MAP3K1: variants seen among roughly 807,000 people sequenced by gnomAD.
The protein encoded by MAP3K1 is MAP/ERK kinase kinase 1.
A neutral mutation model predicts 144.2 loss-of-function variants in MAP3K1; 36 were observed. That is an observed-to-expected ratio of 0.25 (90% CI 0.19 to 0.33). The LOEUF (loss-of-function observed/expected upper bound fraction) is 0.33, where lower values mean the gene tolerates loss of function less well. Ranked by LOEUF, MAP3K1 falls within the 10% of genes least tolerant of loss-of-function variation. The pLI is 1.00. For missense variants in MAP3K1, 1,650 were observed against 1,881.9 expected (o/e 0.88, Z 2.28); for synonymous variants, 718 against 688.7 (o/e 1.04, Z -0.67).
rs1388344367 is a variant in MAP3K1 at position 56,893,633 on chromosome 5, C to T, written c.4492C>T (p.Pro1498Ser). The T allele has an allele frequency of 6.2e-7, 1 of 1,613,974 alleles. No homozygotes were observed. Among genetic ancestry groups the T allele is most frequent in the Admixed American group, 1.7e-5 (1 of 60,014 alleles). Reference sequence around the variant, plus strand: ...AGAACTTCAACCTCAGGACAGACCTCCATCAAGAGAGCTACTGAAGCATCC... The same window carrying T: ...AGAACTTCAACCTCAGGACAGACCTTCATCAAGAGAGCTACTGAAGCATCC... ...CLELQPQDRP[P>S]SRELLKHPVF... Residue 1498 changes from proline to serine, a missense_variant, in exon 20 of 20, where the codon CCA becomes TCA. Around this residue, in one of 6 missense-constraint regions of MAP3K1, gnomAD observed 165 missense variants for 322.9 expected, o/e 0.51. Coordinates refer to ENST00000399503, the MANE Select transcript of MAP3K1 (RefSeq NM_005921.2).
At chr5:56,865,522 A>G (rs1747648943) in intron 5 of MAP3K1, 66 bp downstream of exon 5, 3 of 981,798 alleles carry the variant, frequency 3.1e-6, no homozygotes, top group South Asian at 2.6e-5. Context: ...CTTAAAATTT[A>G]TCCTTCACTA....
intron 1 of MAP3K1, among the ~76,000 whole-genome samples, chr5:56,843,890 G>A (rs1387448514): frequency 1.3e-5 from 2 of 152,072 alleles, no homozygotes; most frequent in East Asian, 3.9e-4. Flanking sequence ...TAGAAATATT[G>A]ACTTACTGGA....
Position 56,875,051 on chromosome 5 carries a change from T to A in MAP3K1, c.1706T>A (p.Val569Asp). 6.2e-7 allele frequency: 1 copy of A among 1,614,236 alleles called. No homozygotes were observed. The change falls in exon 10 of 20, where the codon GTT becomes GAT. Residue 569 changes from valine (V) to aspartate (D), a missense_variant. Around this residue, in one of 6 missense-constraint regions of MAP3K1, gnomAD observed 841 missense variants for 886.5 expected, o/e 0.95. Coordinates refer to ENST00000399503, the MANE Select transcript of MAP3K1 (RefSeq NM_005921.2). ...ATACAGGTGTTTGGAATGGAACTCG[T>A]TGGCTGCTTATTTTCTAGAAACTGG... ...PWIQVFGMELVGCLFSRNWNV... is the reference protein window; with the variant it reads ...PWIQVFGMELDGCLFSRNWNV...
chr5:56,866,365 AC>A (rs547320800), intron 6 of MAP3K1, among the ~76,000 whole-genome samples: 64 of 152,216 alleles, frequency 4.2e-4, no homozygotes, highest in African/African-American at 1.3e-3. Context: ...CTATGATCGC[AC>A]CACTGCCTAG....
intron 2 of MAP3K1, among the ~76,000 whole-genome samples, chr5:56,859,199 A>AACAC (rs113617625): frequency 0.65 from 98,596 of 151,288 alleles, 33,001 homozygotes; most frequent in Non-Finnish European, 0.72. Flanking sequence ...ATTGTAAAGA[A>AACAC]ACACACACAC....
At chr5:56,885,762 C>CTCT (rs1271835581) in intron 16 of MAP3K1, among the ~76,000 whole-genome samples, 170 bp from the exon 17 acceptor site, 1 of 152,150 alleles carries the variant, frequency 6.6e-6, no homozygotes, top group Admixed American at 6.5e-5. Context: ...AAAATGTCTC[C>CTCT]TAATTAGTAG....
chr5:56,827,971 G>T (rs185802772), intron 1 of MAP3K1, among the ~76,000 whole-genome samples: 1 of 152,202 alleles, frequency 6.6e-6, no homozygotes, highest in African/African-American at 2.4e-5. Flanking sequence ...AAATGGGGTC[G>T]TTGGTGGTAT....
rs1003715667 is a variant in MAP3K1, at chr5:56,828,603, C to T, written c.482+12548C>T. On this transcript the variant is annotated intron_variant, in intron 1 of 19. Transcript: ENST00000399503. ...ATGAGAAAATCTGTTTTTTAAAAAG[C>T]GTAATAACTGCTAGGAGAATATTAT... Among the ~76,000 whole-genome samples, 5 of 152,114 alleles carry T rather than the reference C, an allele frequency of 3.3e-5. No individual in the cohort carries two copies. The East Asian group carries it at 5.8e-4, about 18-fold the overall frequency.
intron 9 of MAP3K1, among the ~76,000 whole-genome samples, chr5:56,873,793 C>T (rs1238087647): frequency 6.6e-6 from 1 of 152,180 alleles, no homozygotes; most frequent in East Asian, 1.9e-4. Context: ...GTGACCATTA[C>T]AGTCCTGCAG....
intron 1 of MAP3K1, among the ~76,000 whole-genome samples, chr5:56,823,233 G>A (rs1746208117): frequency 1.3e-5 from 2 of 152,172 alleles, no homozygotes; most frequent in Admixed American, 1.3e-4. Context: ...GCCCATCTCA[G>A]CTCACACTTG....
intron 1 of MAP3K1, among the ~76,000 whole-genome samples, chr5:56,850,596 A>T (rs1747138994): frequency 6.6e-6 from 1 of 152,216 alleles, no homozygotes; most frequent in Non-Finnish European, 1.5e-5. Context: ...ACAAACTTAG[A>T]CTGGGCAGTG....
chr5:56,878,401 G>GT (rs1398966316), intron 10 of MAP3K1, among the ~76,000 whole-genome samples: 2 of 152,024 alleles, frequency 1.3e-5, no homozygotes, highest in Non-Finnish European at 2.9e-5. Context: ...GTGTACCTAT[G>GT]TAACAAACCT....
At chr5:56,871,872 C>A in intron 6 of MAP3K1, 38 bp from the exon 7 acceptor site, 21 of 1,604,252 alleles carry the variant, frequency 1.3e-5, no homozygotes, top group Non-Finnish European at 1.8e-5. Flanking sequence ...ACTTTATATT[C>A]TTTTATGCTT....
chr5:56,881,370 A>G (rs1174378538), intron 13 of MAP3K1, 98 bp downstream of exon 13: 6 of 1,128,164 alleles, frequency 5.3e-6, no homozygotes, highest in Non-Finnish European at 7.9e-6. Context: ...GACTCAGAGC[A>G]TGAATAGGTT....
intron 11 of MAP3K1, among the ~76,000 whole-genome samples, chr5:56,879,614 C>G (rs116566116): frequency 0.019 from 2,935 of 152,096 alleles, 114 homozygotes; most frequent in African/African-American, 0.067. Context: ...TAAAAATTGA[C>G]AGGGAACAAG....
intron 9 of MAP3K1, among the ~76,000 whole-genome samples, chr5:56,873,390 T>C (rs886955001): frequency 4.6e-5 from 7 of 152,252 alleles, no homozygotes; most frequent in African/African-American, 1.4e-4. Context: ...AATTAATTTC[T>C]CTTTTCATAT....
In MAP3K1 at chr5:56,841,554, A is replaced by G. The variant is rs1746816246; in HGVS notation, c.483-15046A>G. Among the ~76,000 whole-genome samples the G allele has an allele frequency of 3.3e-5, 5 of 152,214 alleles. No individual in the cohort carries two copies. The South Asian group carries it at 8.3e-4, about 25-fold the overall frequency. On this transcript the variant is annotated intron_variant, in intron 1 of 19. Coordinates refer to ENST00000399503, the MANE Select transcript of MAP3K1 (RefSeq NM_005921.2). ...TGGAGAGCCACTGGATTATAGAATGACAAAGAATATTTTACTCAAAAAAAT... is the reference window on the plus strand; with the variant it reads ...TGGAGAGCCACTGGATTATAGAATGGCAAAGAATATTTTACTCAAAAAAAT...
At chr5:56,859,227 T>G (rs1233127532) in intron 2 of MAP3K1, among the ~76,000 whole-genome samples, 1 of 152,036 alleles carries the variant, frequency 6.6e-6, no homozygotes, top group Non-Finnish European at 1.5e-5. Context: ...GGAAAATGAT[T>G]GCATAGTGAT....
intron 1 of MAP3K1, among the ~76,000 whole-genome samples, chr5:56,831,540 G>T (rs1746494691): frequency 6.6e-6 from 1 of 152,062 alleles, no homozygotes; most frequent in Admixed American, 6.5e-5. Context: ...CAACTATCAG[G>T]CAGGCATTTA....
Sources: gnomAD v4.1 joint callset for allele counts (sites outside exome capture counted in the v4.1 genomes callset) on GRCh38, gnomAD v4.1.1 for gene constraint, gnomAD v4.1.1 regional missense constraint, MANE v1.5 for transcripts, NCBI Gene and HGNC (gene_info 2026-07-23, HGNC 2026-07-21) for gene names.